The following PDZD2 variants were observed in gnomAD, a reference collection of about 807,000 sequenced individuals.
PDZD2 encodes the protein PDZ domain-containing protein 2.
PDZD2 carries 90 observed loss-of-function variants against 220.7 expected under a neutral mutation model. The ratio of observed to expected loss-of-function variants is 0.41; its 90% CI spans 0.34 to 0.49. The LOEUF (loss-of-function observed/expected upper bound fraction) is 0.49, where lower values mean the gene tolerates loss of function less well. PDZD2 is among the 20% of genes least tolerant of loss of function. The pLI, the probability that PDZD2 is intolerant of heterozygous loss-of-function variation, is 0.28. For missense variants in PDZD2, 3,174 were observed against 3,608.5 expected, an observed-to-expected ratio of 0.88 and a Z score of 3.08; for synonymous variants, 1,375 against 1,450.5, an observed-to-expected ratio of 0.95 and a Z score of 1.18.
intron 2 of PDZD2, among the ~76,000 whole-genome samples, chr5:31,833,496 G>C (rs1013674639): frequency 7.3e-6 from 1 of 136,980 alleles, no homozygotes; most frequent in Non-Finnish European, 1.6e-5. Flanking sequence ...AAAAAAAAAA[G>C]AATGGCCTTG....
At chr5:31,723,775 G>A (rs1438641950) in intron 1 of PDZD2, among the ~76,000 whole-genome samples, 3 of 152,054 alleles carry the variant, frequency 2.0e-5, no homozygotes, top group Non-Finnish European at 2.9e-5. Context: ...CCACCACCAC[G>A]CCTGGCTAAT....
In PDZD2 at chr5:31,904,091, TCAATTAGC is replaced by T. The variant is rs1250281514; in HGVS notation, c.477-79060_477-79053del. Reference sequence around the variant, plus strand: ...TGTATTTCTTTCAACTGTATGTGTTTCAATTAGCCAAAATACAAACAAAACCAAACCAG... The same window carrying T: ...TGTATTTCTTTCAACTGTATGTGTTTCAAAATACAAACAAAACCAAACCAG... On this transcript the variant is annotated intron_variant, in intron 2 of 24. Transcript: ENST00000438447. Among the ~76,000 whole-genome samples the T allele has an allele frequency of 8.5e-5, 13 of 152,098 alleles. No homozygotes were observed. In the East Asian group the frequency reaches 2.1e-3, roughly 25 times the overall value.
At chr5:32,046,840 C>G (rs1402600686) in intron 7 of PDZD2, among the ~76,000 whole-genome samples, 1 of 152,078 alleles carries the variant, frequency 6.6e-6, no homozygotes, top group Non-Finnish European at 1.5e-5. Flanking sequence ...GTTAGGAGTT[C>G]AAGACCAGCC....
chr5:31,671,225 A>T (rs1746203230), intron 1 of PDZD2, among the ~76,000 whole-genome samples: 1 of 152,220 alleles, frequency 6.6e-6, no homozygotes. Context: ...CAAGGAATGG[A>T]GTACAACCAA....
At chr5:31,812,078 A>T (rs1755156073) in intron 2 of PDZD2, among the ~76,000 whole-genome samples, 1 of 152,156 alleles carries the variant, frequency 6.6e-6, no homozygotes, top group African/African-American at 2.4e-5. Flanking sequence ...GTTAAATTCC[A>T]TGGCAAGTCT....
At chr5:31,722,517 T>C (rs1748866843) in intron 1 of PDZD2, among the ~76,000 whole-genome samples, 1 of 152,234 alleles carries the variant, frequency 6.6e-6, no homozygotes, top group Non-Finnish European at 1.5e-5. Flanking sequence ...AGCTGGGTCT[T>C]GTTTTGATCC....
chr5:31,891,070 C>G (rs1442779183), intron 2 of PDZD2, among the ~76,000 whole-genome samples: 2 of 151,810 alleles, frequency 1.3e-5, no homozygotes, highest in Non-Finnish European at 2.9e-5. Context: ...CTCACCTTCT[C>G]ATTCTCGCTG....
At position 31,917,090 on chromosome 5, in the gene PDZD2, A is replaced by G. The variant is rs190962744; in HGVS notation, c.477-66065A>G. Reference sequence around the variant, plus strand: ...TGGAGGAAACCAGATGGAGCTGGCAAGGAAAACAGGGTGAGCCAGTTGAAG... The same window carrying G: ...TGGAGGAAACCAGATGGAGCTGGCAGGGAAAACAGGGTGAGCCAGTTGAAG... On this transcript the variant is annotated intron_variant, in intron 2 of 24. Transcript: ENST00000438447. 7.8e-4 allele frequency among the ~76,000 whole-genome samples: 119 copies of G among 152,320 alleles called. 1 individual carries two copies. The highest frequency in any genetic ancestry group is 2.6e-3 in the Admixed American group (40 of 15,296).
chr5:31,899,106 T>G (rs1305967583), intron 2 of PDZD2, among the ~76,000 whole-genome samples: 2 of 151,162 alleles, frequency 1.3e-5, no homozygotes, highest in African/African-American at 4.9e-5. Context: ...GGATTACAGG[T>G]GTGAACCACC....
intron 20 of PDZD2, 49 bp downstream of exon 20, chr5:32,091,224 G>A (rs201042829): frequency 4.3e-5 from 60 of 1,389,382 alleles, no homozygotes; most frequent in African/African-American, 5.8e-5. Flanking sequence ...GTTTCATTTT[G>A]GAATAGTTTT....
At chr5:31,755,983 C>T (rs1751284663) in intron 1 of PDZD2, among the ~76,000 whole-genome samples, 1 of 152,184 alleles carries the variant, frequency 6.6e-6, no homozygotes, top group South Asian at 2.1e-4. Flanking sequence ...CTACAGAAAA[C>T]TGCCTTCAGA....
chr5:31,999,803 C>A (rs10461699), intron 4 of PDZD2, among the ~76,000 whole-genome samples: 77,578 of 151,914 alleles, frequency 0.51, 21,118 homozygotes, highest in Non-Finnish European at 0.62. Context: ...GATTAAGAAA[C>A]GAATGACTCG....
intron 2 of PDZD2, among the ~76,000 whole-genome samples, chr5:31,943,863 A>C (rs1746415513): frequency 6.6e-6 from 1 of 152,236 alleles, no homozygotes; most frequent in Non-Finnish European, 1.5e-5. Flanking sequence ...AGAAAACTGA[A>C]CTGTAGCTCA....
intron 2 of PDZD2, among the ~76,000 whole-genome samples, chr5:31,929,687 A>G (rs1745081360): frequency 6.6e-6 from 1 of 152,162 alleles, no homozygotes; most frequent in Non-Finnish European, 1.5e-5. Context: ...CCGTCTCTAC[A>G]GAAAATACAG....
chr5:32,082,590 A>G (rs1742077990), intron 19 of PDZD2, among the ~76,000 whole-genome samples: 1 of 152,152 alleles, frequency 6.6e-6, no homozygotes, highest in East Asian at 1.9e-4. Context: ...AGCATTTGGA[A>G]CACAATCTGG....
At chr5:31,972,233 C>A (rs774113281) in intron 2 of PDZD2, among the ~76,000 whole-genome samples, 76 of 152,152 alleles carry the variant, frequency 5.0e-4, no homozygotes, top group Admixed American at 4.5e-3. Context: ...CTAGCCTCAG[C>A]CTCCCAAGTA....
Position 32,087,982 on chromosome 5 carries a change from C to A in PDZD2, c.4534C>A (p.His1512Asn), listed in dbSNP as rs1407176460. 1 of 1,614,220 alleles carries A rather than the reference C, an allele frequency of 6.2e-7. No homozygotes were observed. Among genetic ancestry groups the A allele is most frequent in the Non-Finnish European group, 8.5e-7 (1 of 1,180,012 alleles). Residue 1512 changes from histidine to asparagine, a missense_variant, in exon 20 of 25, where the codon CAT becomes AAT. His to Asn is a moderately conservative substitution (Grantham distance 68). Around this residue, in one of 4 missense-constraint regions of PDZD2, gnomAD observed 1,861 missense variants for 2,001.0 expected, o/e 0.93. Coordinates refer to ENST00000438447, the MANE Select transcript of PDZD2 (RefSeq NM_178140.4). This position sits in a 1 kb window ranked among gnomAD's most constrained non-coding sequence, Gnocchi z 4.0. ...TTTAGATTCAATTAATCCCGACAAA[C>A]ATTTTACTGTGAACAAAAACTTTCT... ...SVLDSINPDK[H>N]FTVNKNFLSN...
intron 2 of PDZD2, among the ~76,000 whole-genome samples, chr5:31,866,266 T>C (rs1026543737): frequency 6.6e-6 from 1 of 152,130 alleles, no homozygotes; most frequent in Non-Finnish European, 1.5e-5. Flanking sequence ...CTGAAATTGT[T>C]GGGATTACAG....
intron 7 of PDZD2, among the ~76,000 whole-genome samples, chr5:32,048,101 ATACTT>A (rs1448123640): frequency 6.6e-5 from 10 of 152,198 alleles, no homozygotes; most frequent in African/African-American, 1.2e-4. Context: ...GTAAGTTGTT[ATACTT>A]TAATCAAAAG....
Sources: gnomAD v4.1 joint callset for allele counts (sites outside exome capture counted in the v4.1 genomes callset) on GRCh38, gnomAD v4.1.1 for gene constraint, gnomAD v4.1.1 regional missense constraint, Gnocchi (gnomAD v3.1) non-coding constraint, MANE v1.5 for transcripts, NCBI Gene and HGNC (gene_info 2026-07-23, HGNC 2026-07-21) for gene names.